Variants in MDGA2 observed in about 807,000 individuals in gnomAD.
MDGA2 encodes MAM domain containing glycosylphosphatidylinositol anchor 2, also known as MAM domain-containing glycosylphosphatidylinositol anchor protein 2.
In MDGA2, 40 loss-of-function variants were observed where a neutral mutation model predicts 117.8. The ratio of observed to expected loss-of-function variants is 0.34; its 90% confidence interval spans 0.26 to 0.44. The LOEUF is 0.44. MDGA2 is among the 20% of genes least tolerant of loss of function. MDGA2 has a pLI of 1.00. For missense variants in MDGA2, 1,123 were observed against 1,250.6 expected, an observed-to-expected ratio of 0.90 and a Z score of 1.54; for synonymous variants, 452 against 439.0, an observed-to-expected ratio of 1.03 and a Z score of -0.37.
At chr14:47,061,723 T>A in intron 6 of MDGA2, 145 bp from the exon 7 acceptor site, 1 of 667,964 alleles carries the variant, frequency 1.5e-6, no homozygotes, top group Non-Finnish European at 2.4e-6. Context: ...AAGTTGTGTG[T>A]ACATCAAAAA....
rs1033222750 is a variant in MDGA2 at position 46,892,924 on chromosome 14, G to A, written c.2239-10703C>T. On this transcript the variant is annotated intron_variant, in intron 10 of 16. Transcript: ENST00000399232. ...ATTAGTGGGTATGTAGATTGGTTCA[G>A]CCATTGTGAAAAACAGTATGAAGCT... 3.9e-5 allele frequency among the ~76,000 whole-genome samples: 6 copies of A among 151,934 alleles called. No homozygotes were observed. In the East Asian group the frequency reaches 1.2e-3, roughly 29 times the overall value.
chr14:47,173,302 C>G (rs917297627), intron 3 of MDGA2, among the ~76,000 whole-genome samples: 29 of 152,100 alleles, frequency 1.9e-4, no homozygotes, highest in Non-Finnish European at 3.8e-4. Flanking sequence ...CAGAGAACGC[C>G]ACAAAGATAC....
chr14:47,293,409 G>A (rs573853744), intron 2 of MDGA2, among the ~76,000 whole-genome samples: 3 of 152,180 alleles, frequency 2.0e-5, no homozygotes, highest in South Asian at 2.1e-4. Flanking sequence ...GCCCAGTATC[G>A]TCACACTCTA....
chr14:47,183,010 C>A (rs908249655), intron 3 of MDGA2, among the ~76,000 whole-genome samples: 1 of 152,076 alleles, frequency 6.6e-6, no homozygotes, highest in Admixed American at 6.6e-5. Context: ...GCTGACATAT[C>A]TCCTAAACTG....
chr14:47,025,728 T>C (rs924839618), intron 8 of MDGA2, among the ~76,000 whole-genome samples: 17 of 150,864 alleles, frequency 1.1e-4, no homozygotes, highest in African/African-American at 3.7e-4. Context: ...AAAAAAATTA[T>C]ATTTTGGGCA....
At chr14:47,259,382 A>C (rs1467651445) in intron 2 of MDGA2, among the ~76,000 whole-genome samples, 1 of 152,104 alleles carries the variant, frequency 6.6e-6, no homozygotes, top group Non-Finnish European at 1.5e-5. Flanking sequence ...CAAGCAAATA[A>C]AAATAACCAA....
chr14:47,437,143 G>C (rs994638719), intron 1 of MDGA2, among the ~76,000 whole-genome samples: 4 of 152,018 alleles, frequency 2.6e-5, no homozygotes, highest in Non-Finnish European at 4.4e-5. Context: ...TGAGAAATAA[G>C]GTCAGATTTA....
intron 1 of MDGA2, among the ~76,000 whole-genome samples, chr14:47,524,827 C>T (rs529535359): frequency 1.3e-5 from 2 of 152,150 alleles, no homozygotes; most frequent in Admixed American, 6.6e-5. Flanking sequence ...TCTTCAGTAA[C>T]ACTTGCTAAG....
At chr14:47,565,056 T>C (rs1357896708) in intron 1 of MDGA2, among the ~76,000 whole-genome samples, 1 of 152,208 alleles carries the variant, frequency 6.6e-6, no homozygotes, top group Non-Finnish European at 1.5e-5. Context: ...GTTTCAACTC[T>C]TTCCTGGATG....
At chr14:47,176,349 C>A (rs1488523591) in intron 3 of MDGA2, among the ~76,000 whole-genome samples, 2 of 152,116 alleles carry the variant, frequency 1.3e-5, no homozygotes, top group Non-Finnish European at 2.9e-5. Context: ...CCAAGTCAAT[C>A]CTAAGCCAAA....
intron 3 of MDGA2, among the ~76,000 whole-genome samples, chr14:47,150,913 G>A (rs1172003901): frequency 1.6e-5 from 2 of 125,096 alleles, no homozygotes; most frequent in African/African-American, 6.5e-5. Context: ...GACAGAGCAA[G>A]ACTCTGTCTC....
At chr14:46,911,154 TAAA>T (rs1883685616) in intron 10 of MDGA2, among the ~76,000 whole-genome samples, 1 of 152,124 alleles carries the variant, frequency 6.6e-6, no homozygotes, top group Non-Finnish European at 1.5e-5. Flanking sequence ...AAATAAAAGT[TAAA>T]TAAAAAAGAT....
chr14:47,337,813 T>A (rs1038422958), intron 1 of MDGA2, among the ~76,000 whole-genome samples: 1 of 152,080 alleles, frequency 6.6e-6, no homozygotes, highest in African/African-American at 2.4e-5. Context: ...AGACTGTGTA[T>A]GTTAATGTAT....
chr14:47,298,122 T>C (rs114438529), intron 2 of MDGA2, among the ~76,000 whole-genome samples: 3,145 of 152,162 alleles, frequency 0.021, 107 homozygotes, highest in African/African-American at 0.071. Flanking sequence ...CCCTAATATA[T>C]AAAAAAGAAA....
chr14:47,506,368 C>A (rs1321479829), intron 1 of MDGA2, among the ~76,000 whole-genome samples: 1 of 152,214 alleles, frequency 6.6e-6, no homozygotes, highest in Non-Finnish European at 1.5e-5. Context: ...CAACCTTGTT[C>A]ACACCCAGAT....
chr14:47,177,369 C>T (rs376931549), intron 3 of MDGA2, among the ~76,000 whole-genome samples: 3 of 152,126 alleles, frequency 2.0e-5, no homozygotes, highest in African/African-American at 7.2e-5. Context: ...TACTGCGGCA[C>T]TATTCACAAT....
chr14:47,286,648 G>C (rs929354963), intron 2 of MDGA2, among the ~76,000 whole-genome samples: 3 of 151,556 alleles, frequency 2.0e-5, no homozygotes, highest in African/African-American at 7.3e-5. Flanking sequence ...AGGACATTTC[G>C]GTTGATTCTG....
At chr14:47,151,048 C>T (rs958916240) in intron 3 of MDGA2, among the ~76,000 whole-genome samples, 6 of 152,068 alleles carry the variant, frequency 3.9e-5, no homozygotes, top group African/African-American at 1.4e-4. Flanking sequence ...AGTTATCTTC[C>T]TCAGATCACC....
intron 1 of MDGA2, among the ~76,000 whole-genome samples, chr14:47,374,132 A>G (rs1045021408): frequency 2.6e-5 from 4 of 152,146 alleles, no homozygotes; most frequent in African/African-American, 9.6e-5. Context: ...AATAGGTGTC[A>G]ATAATAGGAA....
Sources: allele counts gnomAD v4.1 joint callset (sites outside exome capture counted in the v4.1 genomes callset), GRCh38; gene constraint gnomAD v4.1.1; transcripts MANE v1.5; gene names NCBI Gene and HGNC (gene_info 2026-07-23, HGNC 2026-07-21).